NKAIN2: variants seen among roughly 807,000 people sequenced by gnomAD.
NKAIN2 encodes sodium/potassium-transporting ATPase subunit beta-1-interacting protein 2.
In NKAIN2, 14 loss-of-function variants were observed where a neutral mutation model predicts 32.6. That is an observed-to-expected ratio of 0.43 (90% CI 0.28 to 0.67). The LOEUF is 0.67. NKAIN2 is among the 30% of genes least tolerant of loss of function. NKAIN2 has a pLI of 0.17. For synonymous variants in NKAIN2, 80 were observed against 87.2 expected, an observed-to-expected ratio of 0.92 and a Z score of 0.46; for missense variants, 198 against 258.3, an observed-to-expected ratio of 0.77 and a Z score of 1.60.
At chr6:123,982,885 C>T (rs1360881388) in intron 1 of NKAIN2, among the ~76,000 whole-genome samples, 1 of 152,104 alleles carries the variant, frequency 6.6e-6, no homozygotes, top group Non-Finnish European at 1.5e-5. Context: ...GGCCTCAATT[C>T]AACCTCACAA....
intron 2 of NKAIN2, among the ~76,000 whole-genome samples, chr6:124,336,833 C>T (rs377476682): frequency 3.3e-5 from 5 of 151,782 alleles, no homozygotes; most frequent in East Asian, 2.0e-4. Context: ...ACCCCACACC[C>T]GGCTAATTTT....
chr6:123,941,674 T>C (rs1776832517), intron 1 of NKAIN2, among the ~76,000 whole-genome samples: 1 of 152,020 alleles, frequency 6.6e-6, no homozygotes, highest in Admixed American at 6.6e-5. Flanking sequence ...ACAATTCATC[T>C]GCCCTGCTGT....
At chr6:124,696,554 T>C (rs982293403) in intron 4 of NKAIN2, among the ~76,000 whole-genome samples, 2 of 152,126 alleles carry the variant, frequency 1.3e-5, no homozygotes, top group African/African-American at 4.8e-5. Flanking sequence ...ATAAGCCTGA[T>C]ATTGCCTCAT....
At chr6:123,900,996 C>T (rs1009042759) in intron 1 of NKAIN2, among the ~76,000 whole-genome samples, 2 of 152,172 alleles carry the variant, frequency 1.3e-5, no homozygotes, top group African/African-American at 4.8e-5. Flanking sequence ...TGAGATGTTA[C>T]ACTTTTGATT....
In NKAIN2 at chr6:124,824,920, T is replaced by C. The variant is rs1781528553; in HGVS notation, c.*1691T>C. On this transcript the variant is annotated 3_prime_UTR_variant, in exon 7 of 7. Coordinates refer to ENST00000368417, the MANE Select transcript of NKAIN2 (RefSeq NM_001040214.3). Reference sequence around the variant, plus strand: ...AAAATGATAGAGGAACAAAGAGTTATCATTGGAACATAAACTATAAAAAAA... The same window carrying C: ...AAAATGATAGAGGAACAAAGAGTTACCATTGGAACATAAACTATAAAAAAA... The C allele has an allele frequency of 6.6e-6, 1 of 152,542 alleles. No homozygotes were observed. Among genetic ancestry groups the C allele is most frequent in the Non-Finnish European group, 1.5e-5 (1 of 68,040 alleles). The allele number at this position is 152,542 out of a possible 1,614,324, so 9.4% of individuals were successfully genotyped here.
At chr6:124,409,845 C>G (rs1163717312) in intron 3 of NKAIN2, among the ~76,000 whole-genome samples, 2 of 152,148 alleles carry the variant, frequency 1.3e-5, no homozygotes, top group African/African-American at 4.8e-5. Flanking sequence ...GGTTGGTAAT[C>G]TATTAATCAT....
chr6:124,545,553 A>C (rs1215838704), intron 3 of NKAIN2, among the ~76,000 whole-genome samples: 1 of 152,064 alleles, frequency 6.6e-6, no homozygotes, highest in East Asian at 1.9e-4. Context: ...TTATTTGACC[A>C]ACATAATCTT....
intron 3 of NKAIN2, among the ~76,000 whole-genome samples, chr6:124,390,327 A>G (rs1417993511): frequency 6.6e-6 from 1 of 152,078 alleles, no homozygotes; most frequent in Non-Finnish European, 1.5e-5. Flanking sequence ...AACTATTTCA[A>G]TACTCTAGCA....
Position 124,147,548 on chromosome 6 carries a change from C to A in NKAIN2, c.55-135457C>A, listed in dbSNP as rs554241976. Among the ~76,000 whole-genome samples the A allele has an allele frequency of 3.3e-5, 5 of 152,082 alleles. No homozygotes were observed. The South Asian group carries it at 8.3e-4, about 25-fold the overall frequency. ...TTTTTCCAATACGATTCTCAGAGAACCTTGAGAGTTGATTAAACAGCCTTA... is the reference window on the plus strand; with the variant it reads ...TTTTTCCAATACGATTCTCAGAGAAACTTGAGAGTTGATTAAACAGCCTTA... On this transcript the variant is annotated intron_variant, in intron 1 of 6. Transcript: ENST00000368417.
chr6:124,283,973 C>T (rs1324302843), intron 2 of NKAIN2, among the ~76,000 whole-genome samples: 1 of 152,154 alleles, frequency 6.6e-6, no homozygotes, highest in Non-Finnish European at 1.5e-5. Context: ...ACCAGCAGCC[C>T]TTCTCATGTT....
chr6:124,265,290 A>G (rs1276117634), intron 1 of NKAIN2, among the ~76,000 whole-genome samples: 1 of 152,156 alleles, frequency 6.6e-6, no homozygotes, highest in Non-Finnish European at 1.5e-5. Context: ...CAACGGAAAC[A>G]AACTTTGGAA....
chr6:124,541,734 C>T (rs1283542107), intron 3 of NKAIN2, among the ~76,000 whole-genome samples: 2 of 152,140 alleles, frequency 1.3e-5, no homozygotes, highest in African/African-American at 4.8e-5. Flanking sequence ...CCCCAGTTAG[C>T]AGTTGTTTAA....
chr6:123,863,368 C>G (rs76029613), intron 1 of NKAIN2, among the ~76,000 whole-genome samples: 1 of 152,158 alleles, frequency 6.6e-6, no homozygotes, highest in Non-Finnish European at 1.5e-5. Flanking sequence ...ACCTATTCCC[C>G]TCACTCTTCA....
chr6:124,634,880 C>T lies in NKAIN2; in HGVS notation c.274-23306C>T, dbSNP rs73573400. Among the ~76,000 whole-genome samples, 1,039 of 151,798 alleles carry T rather than the reference C, an allele frequency of 6.8e-3. 18 individuals are homozygous for T. Among genetic ancestry groups the T allele is most frequent in the African/African-American group, 0.023 (932 of 41,414 alleles). On this transcript the variant is annotated intron_variant, in intron 3 of 6. Transcript: ENST00000368417. The stretch of plus-strand genomic sequence containing the variant: ...AAATTCAAGTCACATATAAGGGAAT[C>T]CCCTTCAGACTAACAGGAGATCTTT...
rs1045308137 is a variant in NKAIN2, at chr6:124,721,725, T to G, written c.474+63339T>G. Among the ~76,000 whole-genome samples, 11 of 152,332 alleles carry G rather than the reference T, an allele frequency of 7.2e-5. No individual in the cohort carries two copies. The East Asian group carries it at 2.1e-3, about 29-fold the overall frequency. ...CCACTTCCTTTCACAGCCAGTGTTTTTTGAGAACAGTGGCAATGGCCCGTT... is the reference window on the plus strand; with the variant it reads ...CCACTTCCTTTCACAGCCAGTGTTTGTTGAGAACAGTGGCAATGGCCCGTT... On this transcript the variant is annotated intron_variant, in intron 4 of 6. Transcript: ENST00000368417.
chr6:123,928,020 T>C (rs189340986), intron 1 of NKAIN2, among the ~76,000 whole-genome samples: 4 of 152,184 alleles, frequency 2.6e-5, no homozygotes, highest in Admixed American at 2.6e-4. Flanking sequence ...ATAATGAGTT[T>C]CGGGGGAAAC....
At chr6:124,245,429 TTA>T (rs540539524) in intron 1 of NKAIN2, among the ~76,000 whole-genome samples, 1 of 152,026 alleles carries the variant, frequency 6.6e-6, no homozygotes, top group African/African-American at 2.4e-5. Context: ...CACAGGAGTG[TTA>T]TATATATATT....
chr6:124,179,923 A>G (rs573083390), intron 1 of NKAIN2, among the ~76,000 whole-genome samples: 73 of 152,318 alleles, frequency 4.8e-4, no homozygotes, highest in Middle Eastern at 3.4e-3. Context: ...ATTTTCTGTA[A>G]GAGCTTGACA....
intron 1 of NKAIN2, among the ~76,000 whole-genome samples, chr6:124,015,801 C>G (rs1562309889): frequency 6.6e-6 from 1 of 152,294 alleles, no homozygotes; most frequent in South Asian, 2.1e-4. Context: ...TTTCCCTCTC[C>G]TCCTAAGAAA....
Sources: allele counts gnomAD v4.1 joint callset (sites outside exome capture counted in the v4.1 genomes callset), GRCh38; gene constraint gnomAD v4.1.1; transcripts MANE v1.5; gene names NCBI Gene and HGNC (gene_info 2026-07-23, HGNC 2026-07-21).